The following THSD4 variants were observed in gnomAD, a reference collection of about 807,000 sequenced individuals.
The protein encoded by THSD4 is thrombospondin type-1 domain-containing protein 4.
A neutral mutation model predicts 119.0 loss-of-function variants in THSD4; 69 were observed. The ratio of observed to expected loss-of-function variants is 0.58; its 90% CI spans 0.48 to 0.71. The LOEUF (loss-of-function observed/expected upper bound fraction) is 0.71. Ranked by LOEUF, THSD4 falls within the 30% of genes least tolerant of loss-of-function variation. The pLI is 0.00. For missense variants in THSD4, 1,393 were observed against 1,391.1 expected (o/e 1.00, Z -0.02); for synonymous variants, 524 against 540.4 (o/e 0.97, Z 0.42).
chr15:71,695,411 A>G (rs902785881), intron 8 of THSD4, among the ~76,000 whole-genome samples: 2 of 151,438 alleles, frequency 1.3e-5, no homozygotes, highest in African/African-American at 2.4e-5. Flanking sequence ...TGATACCTAT[A>G]ATTTTCTTGA....
chr15:71,365,795 C>A (rs1034787735), intron 6 of THSD4, among the ~76,000 whole-genome samples: 1 of 152,088 alleles, frequency 6.6e-6, no homozygotes, highest in Non-Finnish European at 1.5e-5. Context: ...TTTCACTGTT[C>A]TTGGTTGAAA....
chr15:71,479,384 C>T (rs546068846), intron 7 of THSD4, among the ~76,000 whole-genome samples: 1 of 152,176 alleles, frequency 6.6e-6, no homozygotes, highest in East Asian at 1.9e-4. Flanking sequence ...CTTTCTCTTT[C>T]TCTGACACTA....
intron 7 of THSD4, among the ~76,000 whole-genome samples, chr15:71,628,233 G>A (rs562000257): frequency 6.6e-6 from 1 of 152,244 alleles, no homozygotes; most frequent in East Asian, 1.9e-4. Flanking sequence ...CATTGACAGA[G>A]GAGCAGAAGC....
At chr15:71,432,686 A>C (rs970812714) in intron 7 of THSD4, among the ~76,000 whole-genome samples, 1 of 152,134 alleles carries the variant, frequency 6.6e-6, no homozygotes, top group Non-Finnish European at 1.5e-5. Flanking sequence ...TATCCTGTAT[A>C]GTCAGCTTTG....
intron 14 of THSD4, 134 bp downstream of exon 14, chr15:71,748,728 G>C: frequency 4.3e-5 from 49 of 1,142,750 alleles, no homozygotes; most frequent in Non-Finnish European, 5.6e-5. Context: ...GGCCCAGAGA[G>C]GAATTATCGT....
At chr15:71,157,409 TA>T (rs2040789323) in intron 3 of THSD4, among the ~76,000 whole-genome samples, 1 of 152,150 alleles carries the variant, frequency 6.6e-6, no homozygotes, top group Non-Finnish European at 1.5e-5. Flanking sequence ...CAAATCAGGG[TA>T]TTTAGCATTC....
At chr15:71,173,330 G>C (rs1469333830) in intron 3 of THSD4, among the ~76,000 whole-genome samples, 2 of 151,964 alleles carry the variant, frequency 1.3e-5, no homozygotes, top group South Asian at 2.1e-4. Context: ...GTGAAAACTT[G>C]TATAATGAAA....
At chr15:71,712,725 C>T (rs981989063) in intron 8 of THSD4, among the ~76,000 whole-genome samples, 1 of 152,122 alleles carries the variant, frequency 6.6e-6, no homozygotes, top group East Asian at 1.9e-4. Context: ...TAGGGTACAT[C>T]GATGAAATGG....
At chr15:71,478,474 C>T (rs553884469) in intron 7 of THSD4, among the ~76,000 whole-genome samples, 7 of 152,164 alleles carry the variant, frequency 4.6e-5, no homozygotes, top group South Asian at 2.1e-4. Context: ...CAGAAAAATG[C>T]AACTTTTTAT....
chr15:71,561,120 G>C (rs980930328), intron 7 of THSD4, among the ~76,000 whole-genome samples: 1 of 151,874 alleles, frequency 6.6e-6, no homozygotes, highest in South Asian at 2.1e-4. Context: ...GACTACAGGC[G>C]CCTGCCACCA....
intron 7 of THSD4, among the ~76,000 whole-genome samples, chr15:71,568,589 GTTTTTC>G (rs1212587268): frequency 7.9e-5 from 9 of 114,064 alleles, no homozygotes; most frequent in Non-Finnish European, 1.3e-4. Context: ...TTTGTTTTTT[GTTTTTC>G]TTTTTTTAAT....
At chr15:71,406,236 T>C (rs950344734) in intron 6 of THSD4, among the ~76,000 whole-genome samples, 1 of 152,224 alleles carries the variant, frequency 6.6e-6, no homozygotes, top group Non-Finnish European at 1.5e-5. Flanking sequence ...TTTCATTATT[T>C]TGATATTTTA....
intron 6 of THSD4, among the ~76,000 whole-genome samples, chr15:71,410,889 A>G (rs1428968246): frequency 2.6e-5 from 4 of 152,050 alleles, no homozygotes; most frequent in Non-Finnish European, 5.9e-5. Context: ...ACACACACAC[A>G]CACACAAAAT....
chr15:71,688,394 G>A (rs568550702), intron 8 of THSD4, among the ~76,000 whole-genome samples: 42 of 152,332 alleles, frequency 2.8e-4, no homozygotes, highest in South Asian at 8.3e-4. Context: ...TAATCCTGAT[G>A]TCATATTGTG....
intron 4 of THSD4, among the ~76,000 whole-genome samples, chr15:71,219,206 C>T (rs1237881202): frequency 6.6e-6 from 1 of 151,930 alleles, no homozygotes; most frequent in Non-Finnish European, 1.5e-5. Context: ...ATTTTTTTTC[C>T]CATCTTTTAG....
At chr15:71,485,156 T>C (rs78316608) in intron 7 of THSD4, among the ~76,000 whole-genome samples, 2,912 of 152,304 alleles carry the variant, frequency 0.019, 62 homozygotes, top group African/African-American at 0.053. Context: ...TTAATGCTGA[T>C]GGCTTTTTCT....
chr15:71,774,581 C>T (rs1197456219), intron 17 of THSD4, among the ~76,000 whole-genome samples: 1 of 151,996 alleles, frequency 6.6e-6, no homozygotes, highest in African/African-American at 2.4e-5. Context: ...AATTTCACTT[C>T]TAGGAATATA....
At chr15:71,469,619 G>T (rs2140636436) in intron 7 of THSD4, among the ~76,000 whole-genome samples, 1 of 152,242 alleles carries the variant, frequency 6.6e-6, no homozygotes, top group Middle Eastern at 3.4e-3. Context: ...AATACATTTA[G>T]CCGGATATGT....
Position 71,115,617 on chromosome 15 carries a change from C to A in THSD4, c.-161C>A. On this transcript the variant is annotated 5_prime_UTR_variant, in exon 1 of 18. An upstream open reading frame in the 5' UTR gains an earlier in-frame stop. Transcript: ENST00000261862. This position sits in a 1 kb window ranked among gnomAD's most constrained non-coding sequence, Gnocchi z 4.4. ...TGGCGGCCGTCCATGCGGCGGCGCT[C>A]GGGGCTGCCCGGCGCCGGGAACCAC... The A allele has an allele frequency of 6.8e-6, 1 of 147,454 alleles. No individual in the cohort carries two copies. Among genetic ancestry groups the A allele is most frequent in the South Asian group, 2.0e-4 (1 of 4,988 alleles). The allele number at this position is 147,454 out of a possible 1,614,324, so 9.1% of individuals were successfully genotyped here. A position where few individuals can be genotyped will look rare whatever the true frequency, so the allele number is the denominator to read the frequency against.
Sources: gnomAD v4.1 joint callset for allele counts (sites outside exome capture counted in the v4.1 genomes callset) on GRCh38, gnomAD v4.1.1 for gene constraint, Gnocchi (gnomAD v3.1) non-coding constraint, MANE v1.5 for transcripts, NCBI Gene and HGNC (gene_info 2026-07-23, HGNC 2026-07-21) for gene names.